Variants in KCNH5 observed in about 807,000 individuals in gnomAD.
The protein encoded by KCNH5 is potassium voltage-gated channel subfamily H member 5.
KCNH5 carries 46 observed loss-of-function variants against 96.1 expected under a neutral mutation model. The ratio of observed to expected loss-of-function variants is 0.48; its 90% CI spans 0.38 to 0.61. The LOEUF (loss-of-function observed/expected upper bound fraction) is 0.61. KCNH5 is among the 20% of genes least tolerant of loss of function. The probability of loss-of-function intolerance (pLI) is 0.00; values close to 1 mark genes in which losing one functional copy is unlikely to be tolerated. For synonymous variants in KCNH5, 439 were observed against 449.8 expected (o/e 0.98, Z 0.30); for missense variants, 907 against 1,225.8 (o/e 0.74, Z 3.88).
chr14:62,899,606 C>T (rs1032050583), intron 7 of KCNH5, among the ~76,000 whole-genome samples: 28 of 151,788 alleles, frequency 1.8e-4, no homozygotes, highest in African/African-American at 3.9e-4. Context: ...CCGAGGCGGG[C>T]GGATCACGAG....
intron 7 of KCNH5, among the ~76,000 whole-genome samples, chr14:62,853,092 A>C (rs1313710791): frequency 6.6e-6 from 1 of 152,174 alleles, no homozygotes; most frequent in Non-Finnish European, 1.5e-5. Flanking sequence ...AGTTGCTCAG[A>C]TCAAAAACCT....
At chr14:62,941,193 T>C (rs1220619971) in intron 7 of KCNH5, among the ~76,000 whole-genome samples, 1 of 152,172 alleles carries the variant, frequency 6.6e-6, no homozygotes, top group Non-Finnish European at 1.5e-5. Flanking sequence ...GAGATGAAGA[T>C]CCTTGTAAAA....
At chr14:62,884,231 G>C (rs1327974512) in intron 7 of KCNH5, among the ~76,000 whole-genome samples, 2 of 152,158 alleles carry the variant, frequency 1.3e-5, no homozygotes, top group Admixed American at 6.5e-5. Flanking sequence ...GCTCAGTATG[G>C]ATATAGCCCA....
At chr14:62,890,277 C>G (rs2140084342) in intron 7 of KCNH5, among the ~76,000 whole-genome samples, 1 of 152,236 alleles carries the variant, frequency 6.6e-6, no homozygotes, top group South Asian at 2.1e-4. Context: ...AAGAAACCAT[C>G]AATAGAGTAA....
chr14:62,822,579 A>G (rs1263110154), intron 8 of KCNH5, among the ~76,000 whole-genome samples: 1 of 152,076 alleles, frequency 6.6e-6, no homozygotes, highest in African/African-American at 2.4e-5. Flanking sequence ...AAAAGCAAAC[A>G]ATCAAAAAAG....
At chr14:62,847,631 T>C (rs1421425005) in intron 8 of KCNH5, among the ~76,000 whole-genome samples, 1 of 152,204 alleles carries the variant, frequency 6.6e-6, no homozygotes, top group African/African-American at 2.4e-5. Context: ...TTTTTTCTTA[T>C]CCAAATGCTA....
chr14:62,798,629 T>C (rs1027192810), intron 9 of KCNH5, among the ~76,000 whole-genome samples: 15 of 152,178 alleles, frequency 9.9e-5, no homozygotes, highest in Admixed American at 8.5e-4. Flanking sequence ...AAAAAAGACA[T>C]GAACTGCAAT....
At chr14:62,961,904 C>CAGATGG (rs200836915) in intron 6 of KCNH5, among the ~76,000 whole-genome samples, 16 of 141,440 alleles carry the variant, frequency 1.1e-4, no homozygotes, top group South Asian at 4.5e-4. Context: ...GGAGATGATG[C>CAGATGG]AGATGGAGAT....
At chr14:63,026,107 A>G (rs1359776529) in intron 1 of KCNH5, among the ~76,000 whole-genome samples, 4 of 152,050 alleles carry the variant, frequency 2.6e-5, no homozygotes, top group Non-Finnish European at 5.9e-5. Context: ...AAAACATACA[A>G]TGAGGAAAGG....
At chr14:62,948,096 C>A (rs1027994073) in intron 7 of KCNH5, among the ~76,000 whole-genome samples, 3 of 151,592 alleles carry the variant, frequency 2.0e-5, no homozygotes, top group Non-Finnish European at 2.9e-5. Flanking sequence ...TTTGTTCTTG[C>A]GATAGTTTAC....
chr14:62,908,382 C>A (rs1289477173), intron 7 of KCNH5, among the ~76,000 whole-genome samples: 1 of 152,142 alleles, frequency 6.6e-6, no homozygotes, highest in African/African-American at 2.4e-5. Context: ...CCTGTTCACC[C>A]GCCTACTCAG....
At chr14:62,748,064 C>T (rs1885416818) in intron 10 of KCNH5, among the ~76,000 whole-genome samples, 1 of 152,120 alleles carries the variant, frequency 6.6e-6, no homozygotes, top group African/African-American at 2.4e-5. Context: ...CCGATCCAGA[C>T]CCCAAGAGAG....
intron 7 of KCNH5, among the ~76,000 whole-genome samples, chr14:62,931,070 C>T (rs1311712087): frequency 6.6e-6 from 1 of 152,046 alleles, no homozygotes. Context: ...CAGGGATGGC[C>T]TGGATCTAAT....
chr14:62,963,873 T>G (rs1033821300), intron 6 of KCNH5, among the ~76,000 whole-genome samples: 4 of 152,036 alleles, frequency 2.6e-5, no homozygotes, highest in African/African-American at 9.7e-5. Context: ...GGTGGGAAAC[T>G]CAACTAAAGA....
intron 2 of KCNH5, among the ~76,000 whole-genome samples, chr14:63,007,026 A>G (rs1210390031): frequency 6.6e-6 from 1 of 152,210 alleles, no homozygotes. Flanking sequence ...AAAAATAATA[A>G]TGTTGGAAGT....
intron 10 of KCNH5, among the ~76,000 whole-genome samples, chr14:62,733,574 T>C (rs1885096067): frequency 6.6e-6 from 1 of 150,876 alleles, no homozygotes; most frequent in South Asian, 2.1e-4. Flanking sequence ...CTTTTACTCA[T>C]GCTGTTTGGG....
At chr14:62,988,415 C>T (rs1210704084) in intron 4 of KCNH5, among the ~76,000 whole-genome samples, 1 of 152,002 alleles carries the variant, frequency 6.6e-6, no homozygotes, top group South Asian at 2.1e-4. Context: ...TGGAAATACA[C>T]CTGCCTAATA....
Position 62,706,788 on chromosome 14 carries a change from T to C in KCNH5, c.*720A>G, listed in dbSNP as rs1312214791. 5 of 152,294 alleles carry C rather than the reference T, an allele frequency of 3.3e-5. No individual in the cohort carries two copies. Among genetic ancestry groups the C allele is most frequent in the African/African-American group, 7.2e-5 (3 of 41,582 alleles). The allele number at this position is 152,294 out of a possible 1,614,324, so 9.4% of individuals were successfully genotyped here. A position where few individuals can be genotyped will look rare whatever the true frequency, so the allele number is the denominator to read the frequency against. ...ATGTTGATAATGTCAGCTTACAAGA[T>C]GGCAGCTGTTCTCCAAGAAGGAGGG... is the stretch of plus-strand genomic sequence containing the variant. On this transcript the variant is annotated 3_prime_UTR_variant, in exon 11 of 11. Transcript: ENST00000322893.
At chr14:62,937,931 G>A (rs753870846) in intron 7 of KCNH5, among the ~76,000 whole-genome samples, 7 of 152,236 alleles carry the variant, frequency 4.6e-5, no homozygotes, top group Non-Finnish European at 1.0e-4. Flanking sequence ...TGAAGGGACC[G>A]TTTGGACCCT....
Sources: allele counts gnomAD v4.1 joint callset (sites outside exome capture counted in the v4.1 genomes callset), GRCh38; gene constraint gnomAD v4.1.1; transcripts MANE v1.5; gene names NCBI Gene and HGNC (gene_info 2026-07-23, HGNC 2026-07-21).